SPAG17: variants seen among roughly 807,000 people sequenced by gnomAD.
SPAG17 encodes sperm associated antigen 17.
In SPAG17, 169 loss-of-function variants were observed where a neutral mutation model predicts 273.6. The ratio of observed to expected loss-of-function variants is 0.62; its 90% confidence interval spans 0.55 to 0.70. The LOEUF is 0.70. Among genes scored for constraint, SPAG17 ranks in the 30% least tolerant of loss-of-function variants. SPAG17 has a pLI of 0.00. For synonymous variants in SPAG17, 825 were observed against 873.2 expected, an observed-to-expected ratio of 0.94 and a Z score of 0.97; for missense variants, 2,557 against 2,627.8, an observed-to-expected ratio of 0.97 and a Z score of 0.59.
chr1:118,146,764 ATTC>A (rs1454984413), intron 3 of SPAG17, among the ~76,000 whole-genome samples: 1 of 152,176 alleles, frequency 6.6e-6, no homozygotes, highest in African/African-American at 2.4e-5. Flanking sequence ...TTAAATCCAA[ATTC>A]TTCATTTTGC....
intron 46 of SPAG17, among the ~76,000 whole-genome samples, chr1:117,968,449 G>A (rs1571089824): frequency 1.3e-5 from 2 of 152,170 alleles, no homozygotes; most frequent in East Asian, 3.9e-4. Context: ...TGAAGGTTCT[G>A]AAATCTTGAC....
chr1:118,117,583 G>A (rs747224966), intron 3 of SPAG17, among the ~76,000 whole-genome samples: 3 of 152,158 alleles, frequency 2.0e-5, no homozygotes, highest in Non-Finnish European at 4.4e-5. Context: ...AGGAGATGAG[G>A]GGCTTCACCA....
At position 117,972,056 on chromosome 1, in the gene SPAG17, T is replaced by C; in HGVS notation, c.6142-9A>G. On this transcript the variant is annotated splice_polypyrimidine_tract_variant and intron_variant, in intron 44 of 48. Transcript: ENST00000336338. ...CCAACAGAATCTTGCACCTTTGCAT[T>C]AAGAAAAAATTAATAAAATGGTTCT... 6.3e-7 allele frequency: 1 copy of C among 1,588,964 alleles called. No individual in the cohort carries two copies. The highest frequency in any genetic ancestry group is 8.5e-7 in the Non-Finnish European group (1 of 1,169,742).
rs1252499828 is a variant in SPAG17, at chr1:117,972,101, A to T, written c.6142-54T>A. ...GGTTCTATTTTGAGTTCCCAAGATT[A>T]AAAAAAAAAAAGTCCCTGTCACCAG... is the stretch of plus-strand genomic sequence containing the variant. On this transcript the variant is annotated intron_variant, in intron 44 of 48. Transcript: ENST00000336338. The T allele has an allele frequency of 2.2e-5, 8 of 356,186 alleles. No individual in the cohort carries two copies. The Admixed American group carries it at 3.5e-4, about 16-fold the overall frequency. 22.1% of individuals were successfully genotyped at this position (356,186 alleles called of 1,614,324 possible). A position where few individuals can be genotyped will look rare whatever the true frequency, so the allele number is the denominator to read the frequency against.
At chr1:117,986,587 A>G (rs1656439602) in intron 40 of SPAG17, among the ~76,000 whole-genome samples, 2 of 152,216 alleles carry the variant, frequency 1.3e-5, no homozygotes, top group African/African-American at 2.4e-5. Context: ...TATAGATAAT[A>G]CAGGCATATG....
chr1:118,107,920 T>C (rs1177295951), intron 4 of SPAG17, among the ~76,000 whole-genome samples: 1 of 152,200 alleles, frequency 6.6e-6, no homozygotes, highest in African/African-American at 2.4e-5. Flanking sequence ...AACAGTGTTA[T>C]ATCTTCAGTT....
In SPAG17 at chr1:118,111,556, A is replaced by ACACACACG. The variant is rs1656758104; in HGVS notation, c.447+3753_447+3754insCGTGTGTG. ...CGTATGGCTTTTCTTTTAAAACAAC[A>ACACACACG]CACACACACACACACACACACACAC... On this transcript the variant is annotated intron_variant, in intron 4 of 48. Transcript: ENST00000336338. Among the ~76,000 whole-genome samples, 5 of 148,018 alleles carry ACACACACG rather than the reference A, an allele frequency of 3.4e-5. No homozygotes were observed. In the South Asian group the frequency reaches 1.1e-3, roughly 32 times the overall value.
At chr1:118,019,888 TAA>T (rs1228638246) in intron 28 of SPAG17, among the ~76,000 whole-genome samples, 3 of 152,196 alleles carry the variant, frequency 2.0e-5, no homozygotes, top group African/African-American at 7.2e-5. Flanking sequence ...GAGGACAACA[TAA>T]AGACATTTTT....
chr1:117,993,064 A>G (rs965025691), intron 35 of SPAG17, among the ~76,000 whole-genome samples: 1 of 152,190 alleles, frequency 6.6e-6, no homozygotes, highest in African/African-American at 2.4e-5. Flanking sequence ...TCTTTGCAAG[A>G]GAAATAATTC....
intron 17 of SPAG17, among the ~76,000 whole-genome samples, chr1:118,070,048 C>T (rs905854552): frequency 6.6e-6 from 1 of 152,058 alleles, no homozygotes; most frequent in Non-Finnish European, 1.5e-5. Flanking sequence ...CTTTCAGTTA[C>T]AGAGAAAAGA....
At chr1:118,097,259 G>A (rs1347211541) in intron 7 of SPAG17, among the ~76,000 whole-genome samples, 1 of 151,220 alleles carries the variant, frequency 6.6e-6, no homozygotes, top group East Asian at 1.9e-4. Flanking sequence ...TAAAAGCAAG[G>A]GCTTAGAAAA....
intron 23 of SPAG17, among the ~76,000 whole-genome samples, chr1:118,039,024 A>T (rs558552348): frequency 1.3e-5 from 2 of 152,294 alleles, no homozygotes; most frequent in East Asian, 3.9e-4. Context: ...GGAAGAGGGC[A>T]TTGAGAAATC....
chr1:117,954,163 G>T, intron 48 of SPAG17, 114 bp from the exon 49 acceptor site: 2 of 1,400,008 alleles, frequency 1.4e-6, no homozygotes, highest in Non-Finnish European at 2.0e-6. Flanking sequence ...AAAAACCATT[G>T]TTTTGGGATT....
At position 117,987,816 on chromosome 1, in the gene SPAG17, G is replaced by A. The variant is rs568758075; in HGVS notation, c.5669+18C>T. On this transcript the variant is annotated intron_variant, in intron 40 of 48. Coordinates refer to ENST00000336338, the MANE Select transcript of SPAG17 (RefSeq NM_206996.4). The stretch of plus-strand genomic sequence containing the variant: ...TGGGCCCTTTCAGGTCCTTATGTGC[G>A]TTTTGGGGTATAATTACCTCGTTTT... 126 of 1,612,290 alleles carry A rather than the reference G, an allele frequency of 7.8e-5. No homozygotes were observed. The highest frequency in any genetic ancestry group is 4.0e-4 in the East Asian group (18 of 44,838).
intron 2 of SPAG17, among the ~76,000 whole-genome samples, chr1:118,150,869 G>C (rs954416536): frequency 1.3e-5 from 2 of 152,140 alleles, no homozygotes; most frequent in Non-Finnish European, 2.9e-5. Context: ...TGACAGCTAT[G>C]ATTCTCTGTA....
intron 34 of SPAG17, among the ~76,000 whole-genome samples, chr1:117,995,694 TAACACACA>T (rs972358777): frequency 3.7e-5 from 4 of 108,290 alleles, no homozygotes; most frequent in African/African-American, 1.5e-4. Flanking sequence ...AAAGATGAAA[TAACACACA>T]CACACACACA....
chr1:117,968,573 T>C (rs181479927), intron 46 of SPAG17, among the ~76,000 whole-genome samples: 2 of 152,324 alleles, frequency 1.3e-5, no homozygotes, highest in Non-Finnish European at 2.9e-5. Flanking sequence ...TAGAGCATAT[T>C]ACAGCTAGAA....
rs750712257 is a variant in SPAG17 at position 118,041,937 on chromosome 1, T to C, written c.2920A>G (p.Asn974Asp). The change falls in exon 21 of 49, where the codon AAC becomes GAC. Residue 974 changes from asparagine (N) to aspartate (D), a missense_variant. Coordinates refer to ENST00000336338, the MANE Select transcript of SPAG17 (RefSeq NM_206996.4). ...GACCTACTATCCTCTTTCTCTGCGT[T>C]ATCCTTGCCTTTCTTTTTACCAGCT... ...KEAGKKKGKD[N>D]AEKEDSRSLK... 6.8e-6 allele frequency: 11 copies of C among 1,614,010 alleles called. No homozygotes were observed. In the Admixed American group the frequency reaches 1.8e-4, roughly 27 times the overall value.
At chr1:118,029,991 T>A (rs1459047035) in intron 25 of SPAG17, among the ~76,000 whole-genome samples, 2 of 152,192 alleles carry the variant, frequency 1.3e-5, no homozygotes, top group African/African-American at 2.4e-5. Flanking sequence ...CCACGTCAAA[T>A]CTGTCAGCAC....
Sources: gnomAD v4.1 joint callset for allele counts (sites outside exome capture counted in the v4.1 genomes callset) on GRCh38, gnomAD v4.1.1 for gene constraint, MANE v1.5 for transcripts, NCBI Gene and HGNC (gene_info 2026-07-23, HGNC 2026-07-21) for gene names.